NEMP2: variants seen among roughly 807,000 people sequenced by gnomAD.
NEMP2 encodes the protein nuclear envelope integral membrane protein 2, also known as UPF0571 transmembrane protein.
NEMP2 carries 53 observed loss-of-function variants against 54.2 expected under a neutral mutation model. That is an observed-to-expected ratio of 0.98 (90% CI 0.78 to 1.23). NEMP2 has a LOEUF of 1.23. NEMP2 is among the 50% of genes most tolerant of loss of function. The pLI is 0.00. For missense variants in NEMP2, 455 were observed against 511.3 expected (o/e 0.89, Z 1.06); for synonymous variants, 197 against 190.3 (o/e 1.04, Z -0.29).
the NEMP2 span, among the ~76,000 whole-genome samples, chr2:190,646,029 C>A: frequency 3.3e-5 from 5 of 152,288 alleles, no homozygotes; most frequent in Admixed American, 3.3e-4. Context: ...TCTTGGTGCT[C>A]AACAAGCTGT....
the NEMP2 span, among the ~76,000 whole-genome samples, chr2:190,572,789 G>GTTC: frequency 7.7e-6 from 1 of 129,190 alleles, no homozygotes; most frequent in African/African-American, 2.9e-5. Flanking sequence ...ATTCTTTCCA[G>GTTC]TTCTTCACTA....
At chr2:190,423,839 G>T in the NEMP2 span, among the ~76,000 whole-genome samples, 2 of 152,112 alleles carry the variant, frequency 1.3e-5, no homozygotes, top group African/African-American at 4.8e-5. The surrounding 1 kb of genome is among the most constrained non-coding windows in gnomAD (Gnocchi z 4.3). Flanking sequence ...TCTTATAGAC[G>T]TGTAGTGATA....
the NEMP2 span, among the ~76,000 whole-genome samples, chr2:190,423,417 C>A: frequency 6.6e-6 from 1 of 152,130 alleles, no homozygotes; most frequent in Non-Finnish European, 1.5e-5. This position sits in a 1 kb window ranked among gnomAD's most constrained non-coding sequence, Gnocchi z 4.3. Flanking sequence ...TTTTTTCATT[C>A]TATAATTATC....
the NEMP2 span, among the ~76,000 whole-genome samples, chr2:190,491,450 A>G: frequency 6.6e-6 from 1 of 152,204 alleles, no homozygotes; most frequent in African/African-American, 2.4e-5. This position sits in a 1 kb window ranked among gnomAD's most constrained non-coding sequence, Gnocchi z 4.2. Flanking sequence ...GCTGGTATCC[A>G]GCTGAGAGAC....
In NEMP2 at chr2:190,525,449, C is replaced by T; in HGVS notation, c.98-71G>A. The T allele has an allele frequency of 1.2e-6, 1 of 850,854 alleles. No homozygotes were observed. The highest frequency in any genetic ancestry group is 1.8e-5 in the South Asian group (1 of 56,464). The allele number at this position is 850,854 out of a possible 1,614,324, so 52.7% of individuals were successfully genotyped here. A position where few individuals can be genotyped will look rare whatever the true frequency, so the allele number is the denominator to read the frequency against. ...CAGAATCTTTTTTAAAAAAAGTTTG[C>T]AGGGAGGTAACAGTAGCAGTTTTAA... is the stretch of plus-strand genomic sequence containing the variant. On this transcript the variant is annotated intron_variant, in intron 1 of 8. Transcript: ENST00000409150. The surrounding 1 kb of genome is among the most constrained non-coding windows in gnomAD (Gnocchi z 5.0).
the NEMP2 span, among the ~76,000 whole-genome samples, chr2:190,426,014 T>A: frequency 6.6e-6 from 1 of 152,220 alleles, no homozygotes; most frequent in East Asian, 1.9e-4. This position sits in a 1 kb window ranked among gnomAD's most constrained non-coding sequence, Gnocchi z 4.7. Flanking sequence ...GAAGTTTGAC[T>A]GATGAGTTTT....
the NEMP2 span, among the ~76,000 whole-genome samples, chr2:190,642,985 A>C: frequency 1.3e-5 from 2 of 148,636 alleles, no homozygotes; most frequent in African/African-American, 2.5e-5. The surrounding 1 kb of genome is among the most constrained non-coding windows in gnomAD (Gnocchi z 4.1). Flanking sequence ...TTTTCACTGA[A>C]AACTTTTTTT....
At chr2:190,636,502 G>C in the NEMP2 span, among the ~76,000 whole-genome samples, 1 of 152,224 alleles carries the variant, frequency 6.6e-6, no homozygotes, top group South Asian at 2.1e-4. Flanking sequence ...AGGGGCATAA[G>C]AAAATGAATT....
chr2:190,631,539 T>C, the NEMP2 span, among the ~76,000 whole-genome samples: 1 of 152,242 alleles, frequency 6.6e-6, no homozygotes, highest in Non-Finnish European at 1.5e-5. Flanking sequence ...TTAAAGCTAA[T>C]TTGGTAATTT....
At chr2:190,562,205 A>C in the NEMP2 span, among the ~76,000 whole-genome samples, 2 of 152,238 alleles carry the variant, frequency 1.3e-5, no homozygotes, top group African/African-American at 4.8e-5. This position sits in a 1 kb window ranked among gnomAD's most constrained non-coding sequence, Gnocchi z 5.0. Context: ...AAAACAGACC[A>C]GTAGAAATGG....
chr2:190,497,346 A>G, the NEMP2 span: 1 of 1,382,920 alleles, frequency 7.2e-7, no homozygotes. The surrounding 1 kb of genome is among the most constrained non-coding windows in gnomAD (Gnocchi z 5.2). Flanking sequence ...TGGAATGGGT[A>G]TATGGGATTC....
chr2:190,469,619 C>T, the NEMP2 span: 1 of 396,106 alleles, frequency 2.5e-6, no homozygotes, highest in Non-Finnish European at 4.2e-6. The surrounding 1 kb of genome is among the most constrained non-coding windows in gnomAD (Gnocchi z 5.3). Flanking sequence ...TTGGAGTCTG[C>T]TGGATGATGG....
chr2:190,557,172 C>T, the NEMP2 span, among the ~76,000 whole-genome samples: 1 of 152,166 alleles, frequency 6.6e-6, no homozygotes, highest in Non-Finnish European at 1.5e-5. Context: ...AATAATGCCA[C>T]ACATCTACAA....
chr2:190,599,184 T>C, the NEMP2 span, among the ~76,000 whole-genome samples: 1 of 152,166 alleles, frequency 6.6e-6, no homozygotes, highest in Admixed American at 6.5e-5. Flanking sequence ...CATCTATAAA[T>C]AGAGGACAGA....
chr2:190,626,663 A>T, the NEMP2 span: 1 of 152,242 alleles, frequency 6.6e-6, no homozygotes, highest in Non-Finnish European at 1.5e-5. The surrounding 1 kb of genome is among the most constrained non-coding windows in gnomAD (Gnocchi z 4.5). Flanking sequence ...TTTTCACATG[A>T]ACAGTTTATA....
the NEMP2 span, among the ~76,000 whole-genome samples, chr2:190,494,583 C>G: frequency 2.0e-5 from 3 of 151,986 alleles, no homozygotes; most frequent in Admixed American, 2.0e-4. The surrounding 1 kb of genome is among the most constrained non-coding windows in gnomAD (Gnocchi z 5.7). Context: ...TGATGAACAT[C>G]AATGCAAAAA....
chr2:190,523,056 T>C lies in NEMP2; in HGVS notation c.213+2207A>G, dbSNP rs1690806996. ...ACTCATATTTGGCTCAGAATAAATC[T>C]CTTCAAATATTTTATAGAGTGGCTT... On this transcript the variant is annotated intron_variant, in intron 2 of 8. Coordinates refer to ENST00000409150, the MANE Select transcript of NEMP2 (RefSeq NM_001142645.2). This position sits in a 1 kb window ranked among gnomAD's most constrained non-coding sequence, Gnocchi z 5.3. Among the ~76,000 whole-genome samples the C allele has an allele frequency of 6.6e-6, 1 of 152,154 alleles. No homozygotes were observed. The highest frequency in any genetic ancestry group is 2.1e-4 in the South Asian group (1 of 4,834).
rs1046991392 is a variant in NEMP2 at position 190,525,083 on chromosome 2, C to T, written c.213+180G>A. 2.6e-5 allele frequency among the ~76,000 whole-genome samples: 4 copies of T among 152,148 alleles called. No homozygotes were observed. The highest frequency in any genetic ancestry group is 9.7e-5 in the African/African-American group (4 of 41,434). ...AGGGAGAATATGAAGGAGTTAGTGT[C>T]CTCTTCTCACACTGCTCACCCATTG... On this transcript the variant is annotated intron_variant, in intron 2 of 8. Coordinates refer to ENST00000409150, the MANE Select transcript of NEMP2 (RefSeq NM_001142645.2). This position sits in a 1 kb window ranked among gnomAD's most constrained non-coding sequence, Gnocchi z 5.0.
the NEMP2 span, among the ~76,000 whole-genome samples, chr2:190,572,675 C>T: frequency 2.0e-5 from 3 of 150,978 alleles, no homozygotes; most frequent in Non-Finnish European, 4.4e-5. Flanking sequence ...GCTTTTTTCC[C>T]ATGTTACTAC....
Sources: allele counts gnomAD v4.1 joint callset (sites outside exome capture counted in the v4.1 genomes callset), GRCh38; gene constraint gnomAD v4.1.1; non-coding constraint Gnocchi (gnomAD v3.1); transcripts MANE v1.5; gene names NCBI Gene and HGNC (gene_info 2026-07-23, HGNC 2026-07-21).